TEAD4: variants seen among roughly 807,000 people sequenced by gnomAD.
TEAD4 encodes the protein TEA domain transcription factor 4.
A neutral mutation model predicts 52.4 loss-of-function variants in TEAD4; 36 were observed. That is an observed-to-expected ratio of 0.69 (90% CI 0.53 to 0.91). TEAD4 has a LOEUF of 0.91. Ranked by LOEUF, TEAD4 falls within the 40% of genes least tolerant of loss-of-function variation. The pLI is 0.00. For missense variants in TEAD4, 508 were observed against 583.9 expected (o/e 0.87, Z 1.34); for synonymous variants, 220 against 231.0 (o/e 0.95, Z 0.43).
intron 3 of TEAD4, among the ~76,000 whole-genome samples, chr12:2,998,917 C>T (rs1272478850): frequency 1.3e-5 from 2 of 152,194 alleles, no homozygotes; most frequent in Non-Finnish European, 2.9e-5. Flanking sequence ...GCCCCCACAG[C>T]ACCTGTCCTG....
At chr12:3,015,110 G>A (rs1180193442) in intron 5 of TEAD4, among the ~76,000 whole-genome samples, 1 of 118,202 alleles carries the variant, frequency 8.5e-6, no homozygotes, top group Non-Finnish European at 1.8e-5. Context: ...AAAGGACAGT[G>A]GGGAGGGGGC....
chr12:3,036,966 A>G (rs1242109216), intron 10 of TEAD4, among the ~76,000 whole-genome samples: 1 of 152,160 alleles, frequency 6.6e-6, no homozygotes, highest in Non-Finnish European at 1.5e-5. Context: ...CAAGGCTAAC[A>G]GTCAGGACCC....
chr12:3,032,920 T>TC (rs534956840), intron 10 of TEAD4, among the ~76,000 whole-genome samples: 85 of 151,948 alleles, frequency 5.6e-4, no homozygotes, highest in Non-Finnish European at 1.0e-3. Flanking sequence ...CTGCCCCGGC[T>TC]CCCCCCGCAT....
chr12:3,038,668 G>A (rs2098280848), intron 11 of TEAD4, among the ~76,000 whole-genome samples: 1 of 152,170 alleles, frequency 6.6e-6, no homozygotes, highest in African/African-American at 2.4e-5. Context: ...TAAACCCCCG[G>A]CCAAGGGCAG....
intron 2 of TEAD4, among the ~76,000 whole-genome samples, chr12:2,974,030 C>CA (rs1265180140): frequency 2.0e-5 from 3 of 152,152 alleles, no homozygotes; most frequent in African/African-American, 7.2e-5. Flanking sequence ...TTTTCTGAGA[C>CA]GGAGTCTCAC....
Position 3,017,457 on chromosome 12 carries a change from C to A in TEAD4, c.414C>A (p.Ile138=), listed in dbSNP as rs766428354. The change falls in exon 6 of 13, where the codon ATC becomes ATA. Residue 138 remains isoleucine, a synonymous_variant. Coordinates refer to ENST00000359864, the MANE Select transcript of TEAD4 (RefSeq NM_003213.4). The stretch of plus-strand genomic sequence containing the variant: ...TGGCTGCCATGTCGTCTGCACAGAT[C>A]ATCTCCGCCACGGCCTTCCACAGTA... 3 of 1,614,196 alleles carry A rather than the reference C, an allele frequency of 1.9e-6. No homozygotes were observed. The highest frequency in any genetic ancestry group is 2.2e-5 in the East Asian group (1 of 44,874).
Position 3,035,683 on chromosome 12 carries a change from G to A in TEAD4, c.898-2285G>A, listed in dbSNP as rs146078430. Among the ~76,000 whole-genome samples the A allele has an allele frequency of 9.8e-3, 1,494 of 152,184 alleles. 22 individuals are homozygous for A. The highest frequency in any genetic ancestry group is 0.034 in the African/African-American group (1,397 of 41,528). ...AAAAATTTAAAAATTAGCCAGGTGTGGTGGCACATGCCTATAATCCTGGCT... is the reference window on the plus strand; with the variant it reads ...AAAAATTTAAAAATTAGCCAGGTGTAGTGGCACATGCCTATAATCCTGGCT... On this transcript the variant is annotated intron_variant, in intron 10 of 12. Transcript: ENST00000359864.
chr12:2,985,596 C>G (rs1252656048), intron 2 of TEAD4, among the ~76,000 whole-genome samples: 1 of 146,492 alleles, frequency 6.8e-6, no homozygotes, highest in Non-Finnish European at 1.5e-5. Context: ...ACCTCCGCCT[C>G]CCGGGTTTAA....
intron 10 of TEAD4, among the ~76,000 whole-genome samples, chr12:3,023,624 T>TAAA (rs768450059): frequency 7.6e-6 from 1 of 132,108 alleles, no homozygotes; most frequent in African/African-American, 2.8e-5. Flanking sequence ...TATCTCTACT[T>TAAA]AAAAAAAAAA....
chr12:2,982,076 G>C (rs1036706434), intron 2 of TEAD4, among the ~76,000 whole-genome samples: 1 of 152,094 alleles, frequency 6.6e-6, no homozygotes, highest in Non-Finnish European at 1.5e-5. Flanking sequence ...ACGTCAGGTT[G>C]GCCTGGGGTC....
intron 5 of TEAD4, among the ~76,000 whole-genome samples, chr12:3,013,887 AT>A (rs930195873): frequency 2.0e-5 from 3 of 151,890 alleles, no homozygotes; most frequent in African/African-American, 7.3e-5. Flanking sequence ...CTCTGAAAAT[AT>A]TTTTTATATT....
At chr12:3,008,264 AGGTGGT>A (rs1433094534) in intron 3 of TEAD4, among the ~76,000 whole-genome samples, 1 of 152,178 alleles carries the variant, frequency 6.6e-6, no homozygotes, top group Non-Finnish European at 1.5e-5. Context: ...CAAGGGGTGC[AGGTGGT>A]GTGGGACTCT....
At chr12:3,000,030 A>G (rs2098250441) in intron 3 of TEAD4, among the ~76,000 whole-genome samples, 2 of 151,922 alleles carry the variant, frequency 1.3e-5, no homozygotes, top group Admixed American at 6.6e-5. Flanking sequence ...CCATCCTATT[A>G]GCAGCCCGTC....
chr12:2,992,701 A>G (rs557801476), intron 2 of TEAD4, among the ~76,000 whole-genome samples: 1 of 151,766 alleles, frequency 6.6e-6, no homozygotes, highest in Non-Finnish European at 1.5e-5. Flanking sequence ...AATGTGTGTG[A>G]CGCGGTGAGG....
rs375961432 is a variant in TEAD4 at position 3,040,103 on chromosome 12, G to T, written c.1039-4G>T. 3 of 1,614,054 alleles carry T rather than the reference G, an allele frequency of 1.9e-6. No homozygotes were observed. Among genetic ancestry groups the T allele is most frequent in the Non-Finnish European group, 2.5e-6 (3 of 1,179,942 alleles). On this transcript the variant is annotated splice_polypyrimidine_tract_variant and splice_region_variant and intron_variant, in intron 11 of 12. Coordinates refer to ENST00000359864, the MANE Select transcript of TEAD4 (RefSeq NM_003213.4). Reference sequence around the variant, plus strand: ...TAAGCCCCTGCTCTCCCCGGGTCCTGCAGACAGAGTATGCTCGCTATGAGA... The same window carrying T: ...TAAGCCCCTGCTCTCCCCGGGTCCTTCAGACAGAGTATGCTCGCTATGAGA...
At chr12:3,011,366 G>A (rs971243655) in intron 4 of TEAD4, among the ~76,000 whole-genome samples, 3 of 151,782 alleles carry the variant, frequency 2.0e-5, no homozygotes, top group Admixed American at 6.6e-5. Context: ...GAGTAGCTGG[G>A]GTTATAGTCA....
intron 2 of TEAD4, among the ~76,000 whole-genome samples, chr12:2,973,857 G>A (rs780656603): frequency 2.0e-5 from 3 of 152,156 alleles, no homozygotes; most frequent in East Asian, 3.9e-4. Flanking sequence ...AATGGGAGGC[G>A]CGGTAACTGG....
chr12:3,014,699 G>A (rs762467988), intron 5 of TEAD4, among the ~76,000 whole-genome samples: 2 of 152,132 alleles, frequency 1.3e-5, no homozygotes, highest in South Asian at 2.1e-4. Context: ...TTCCCCTCCC[G>A]GCCCCGGTTA....
chr12:2,997,804 T>TC (rs1037078915), intron 3 of TEAD4, among the ~76,000 whole-genome samples: 33 of 112,730 alleles, frequency 2.9e-4, no homozygotes, highest in Admixed American at 2.5e-3. Context: ...ACTTGCTTTT[T>TC]CGGGGGGGGG....
Sources: gnomAD v4.1 joint callset for allele counts (sites outside exome capture counted in the v4.1 genomes callset) on GRCh38, gnomAD v4.1.1 for gene constraint, MANE v1.5 for transcripts, NCBI Gene and HGNC (gene_info 2026-07-23, HGNC 2026-07-21) for gene names.